PTPRD: variants seen among roughly 807,000 people sequenced by gnomAD.
PTPRD encodes receptor-type tyrosine-protein phosphatase delta.
A neutral mutation model predicts 214.5 loss-of-function variants in PTPRD; 34 were observed. The observed-to-expected ratio is 0.16, with a 90% CI of 0.12 to 0.21. The LOEUF (loss-of-function observed/expected upper bound fraction) is 0.21. Among genes scored for constraint, PTPRD ranks in the 10% least tolerant of loss-of-function variants. The pLI, the probability that PTPRD is intolerant of heterozygous loss-of-function variation, is 1.00. For synonymous variants in PTPRD, 1,128 were observed against 845.7 expected, an observed-to-expected ratio of 1.33 and a Z score of -5.79; for missense variants, 2,545 against 2,398.7, an observed-to-expected ratio of 1.06 and a Z score of -1.27.
chr9:8,791,408 TAG>T (rs2096230415), intron 11 of PTPRD, among the ~76,000 whole-genome samples: 1 of 151,664 alleles, frequency 6.6e-6, no homozygotes, highest in Non-Finnish European at 1.5e-5. Context: ...GTATTTTTAG[TAG>T]AGACATGGTT....
intron 10 of PTPRD, among the ~76,000 whole-genome samples, chr9:9,065,273 G>C (rs2099725080): frequency 6.6e-6 from 1 of 152,164 alleles, no homozygotes; most frequent in Admixed American, 6.6e-5. Flanking sequence ...GTTTGAAATA[G>C]AGAGATCAGG....
intron 4 of PTPRD, 109 bp downstream of exon 4, chr9:10,033,609 A>C (rs983594278): frequency 6.6e-6 from 1 of 152,146 alleles, no homozygotes; most frequent in Non-Finnish European, 1.5e-5. Flanking sequence ...TAATTAGTCA[A>C]GCAATGATGT....
chr9:10,556,378 G>C (rs1490351291), intron 2 of PTPRD, among the ~76,000 whole-genome samples: 1 of 151,854 alleles, frequency 6.6e-6, no homozygotes, highest in African/African-American at 2.4e-5. Context: ...GGTTACAAAT[G>C]GGGGATATTA....
At chr9:10,466,026 T>G (rs966466135) in intron 2 of PTPRD, among the ~76,000 whole-genome samples, 1 of 152,210 alleles carries the variant, frequency 6.6e-6, no homozygotes, top group Admixed American at 6.5e-5. Flanking sequence ...GAGAAATGAA[T>G]GAGCGAAACT....
chr9:9,742,335 A>G (rs1596479946), intron 6 of PTPRD, among the ~76,000 whole-genome samples: 1 of 152,162 alleles, frequency 6.6e-6, no homozygotes, highest in East Asian at 1.9e-4. Context: ...TCTTCAGCGC[A>G]TTCCAAGAGC....
At chr9:9,124,761 G>A (rs1034458683) in intron 10 of PTPRD, among the ~76,000 whole-genome samples, 4 of 152,130 alleles carry the variant, frequency 2.6e-5, no homozygotes, top group African/African-American at 9.7e-5. Flanking sequence ...CAGTTTATAA[G>A]GCTTTATGTT....
intron 10 of PTPRD, among the ~76,000 whole-genome samples, chr9:9,076,641 T>C (rs1468844350): frequency 1.3e-5 from 2 of 152,096 alleles, no homozygotes; most frequent in East Asian, 3.9e-4. Context: ...TCATTCTTTT[T>C]CATAGCTGAA....
Position 9,731,115 on chromosome 9 carries a change from A to T in PTPRD, c.-287+3418T>A, listed in dbSNP as rs1436835761. ...ATTTTCTGTAAATATTTTACCTGCT[A>T]TGTAGGAAGTGTCAGTTCTTTACTT... On this transcript the variant is annotated intron_variant, in intron 7 of 45. Coordinates refer to ENST00000381196, the MANE Select transcript of PTPRD (RefSeq NM_002839.4). 2.0e-5 allele frequency among the ~76,000 whole-genome samples: 3 copies of T among 152,152 alleles called. No individual in the cohort carries two copies. In the East Asian group the frequency reaches 5.8e-4, roughly 29 times the overall value.
chr9:9,846,414 C>G (rs543558767), intron 5 of PTPRD, among the ~76,000 whole-genome samples: 2 of 152,080 alleles, frequency 1.3e-5, no homozygotes, highest in African/African-American at 4.8e-5. Context: ...GCTACACTCT[C>G]GAGACTTTAT....
chr9:8,327,675 C>T (rs1246199360), intron 44 of PTPRD, among the ~76,000 whole-genome samples: 1 of 152,120 alleles, frequency 6.6e-6, no homozygotes, highest in African/African-American at 2.4e-5. Flanking sequence ...GAGTCTAAGT[C>T]TCTTTGTAGG....
intron 32 of PTPRD, among the ~76,000 whole-genome samples, chr9:8,460,858 T>G (rs988573132): frequency 4.6e-5 from 7 of 152,088 alleles, no homozygotes; most frequent in African/African-American, 1.7e-4. Context: ...ATATGGTGTA[T>G]TAAATGATCC....
chr9:9,784,001 A>G (rs2098892992), intron 5 of PTPRD, among the ~76,000 whole-genome samples: 1 of 152,116 alleles, frequency 6.6e-6, no homozygotes, highest in African/African-American at 2.4e-5. Context: ...GTGAGTCATG[A>G]TAAAGCTGAA....
chr9:10,003,893 G>C (rs896299254), intron 4 of PTPRD, among the ~76,000 whole-genome samples: 3 of 151,452 alleles, frequency 2.0e-5, no homozygotes, highest in Non-Finnish European at 3.0e-5. Flanking sequence ...CGATTTATTT[G>C]CTTACAGACC....
chr9:8,479,004 A>C (rs1278842089), intron 30 of PTPRD, among the ~76,000 whole-genome samples: 1 of 152,176 alleles, frequency 6.6e-6, no homozygotes, highest in Non-Finnish European at 1.5e-5. Flanking sequence ...CTTTCATCTA[A>C]ATAAAAGTTA....
chr9:8,331,803 AC>A, intron 43 of PTPRD, 67 bp from the exon 44 acceptor site: 1 of 1,481,814 alleles, frequency 6.7e-7, no homozygotes, highest in South Asian at 1.4e-5. Context: ...AAGCATACGG[AC>A]CACAAGAACA....
intron 12 of PTPRD, among the ~76,000 whole-genome samples, chr9:8,725,013 G>GT (rs2098542482): frequency 6.6e-6 from 1 of 152,128 alleles, no homozygotes; most frequent in African/African-American, 2.4e-5. Flanking sequence ...ATGTAGTTTA[G>GT]TTAACAGTAC....
intron 9 of PTPRD, among the ~76,000 whole-genome samples, chr9:9,377,701 C>G (rs2061156032): frequency 6.6e-6 from 1 of 151,920 alleles, no homozygotes; most frequent in African/African-American, 2.4e-5. Context: ...TTAACAGTGG[C>G]CCAGTTAAGC....
intron 9 of PTPRD, among the ~76,000 whole-genome samples, chr9:9,326,257 T>C (rs1471774565): frequency 6.6e-6 from 1 of 152,068 alleles, no homozygotes; most frequent in Non-Finnish European, 1.5e-5. Context: ...AATATCTCTT[T>C]GATGACAATA....
In PTPRD at chr9:9,090,921, T is replaced by C. The variant is rs2099774629; in HGVS notation, c.-142-72186A>G. ...AGATGACAAAGAAAAGAAGGAACAA[T>C]GGTCGTGCCAAAAAGGGCTGCGGCC... is the stretch of plus-strand genomic sequence containing the variant. On this transcript the variant is annotated intron_variant, in intron 10 of 45. Coordinates refer to ENST00000381196, the MANE Select transcript of PTPRD (RefSeq NM_002839.4). 3.3e-6 allele frequency: 5 copies of C among 1,522,936 alleles called. No homozygotes were observed. The South Asian group carries it at 4.5e-5, about 14-fold the overall frequency. 94.3% of individuals were successfully genotyped at this position (1,522,936 alleles called of 1,614,324 possible).
Sources: gnomAD v4.1 joint callset for allele counts (sites outside exome capture counted in the v4.1 genomes callset) on GRCh38, gnomAD v4.1.1 for gene constraint, MANE v1.5 for transcripts, NCBI Gene and HGNC (gene_info 2026-07-23, HGNC 2026-07-21) for gene names.